The following CNBD1 variants were observed in gnomAD, a reference collection of about 807,000 sequenced individuals.
CNBD1 encodes the protein cyclic nucleotide binding domain containing 1.
Under a neutral mutation model 54.4 loss-of-function variants are expected in CNBD1, and 71 were observed. The observed-to-expected ratio is 1.30, with a 90% confidence interval of 1.08 to 1.59. The LOEUF (loss-of-function observed/expected upper bound fraction) is 1.59. Among genes scored for constraint, CNBD1 ranks in the 40% most tolerant of loss-of-function variants. CNBD1 has a pLI of 0.00. For synonymous variants in CNBD1, 182 were observed against 170.7 expected, an observed-to-expected ratio of 1.07 and a Z score of -0.51; for missense variants, 659 against 518.0, an observed-to-expected ratio of 1.27 and a Z score of -2.64.
At chr8:87,198,765 AC>A (rs1418666335) in intron 4 of CNBD1, among the ~76,000 whole-genome samples, 2 of 152,212 alleles carry the variant, frequency 1.3e-5, no homozygotes, top group Non-Finnish European at 2.9e-5. Context: ...GGGAATATGG[AC>A]TTTACAGAAT....
intron 8 of CNBD1, among the ~76,000 whole-genome samples, chr8:87,328,925 T>C (rs1809752406): frequency 6.6e-6 from 1 of 152,162 alleles, no homozygotes; most frequent in Non-Finnish European, 1.5e-5. Context: ...GTCAATTATT[T>C]CTTGCATGGA....
downstream of CNBD1, among the ~76,000 whole-genome samples, chr8:87,387,586 G>A (rs1314181981): frequency 6.6e-6 from 1 of 152,040 alleles, no homozygotes; most frequent in Non-Finnish European, 1.5e-5. Flanking sequence ...CCCAATACAG[G>A]AGCACCCAGG....
chr8:87,228,372 T>G (rs1814563550), intron 5 of CNBD1, among the ~76,000 whole-genome samples: 2 of 149,370 alleles, frequency 1.3e-5, no homozygotes, highest in Non-Finnish European at 3.0e-5. Context: ...CTTTGTGGTT[T>G]TATCTACTTT....
chr8:87,302,811 C>A (rs905305092), intron 8 of CNBD1, among the ~76,000 whole-genome samples: 1 of 151,894 alleles, frequency 6.6e-6, no homozygotes, highest in Non-Finnish European at 1.5e-5. Context: ...AATCAATGTG[C>A]AAAAATCACA....
intron 4 of CNBD1, among the ~76,000 whole-genome samples, chr8:86,965,601 C>T (rs1586167813): frequency 1.3e-5 from 2 of 152,226 alleles, no homozygotes; most frequent in Admixed American, 1.3e-4. Flanking sequence ...GGACAGAAAG[C>T]AAATTCACTT....
chr8:87,427,001 T>G (rs16868490), intron 2 of CNBD1, among the ~76,000 whole-genome samples: 2,760 of 152,296 alleles, frequency 0.018, 82 homozygotes, highest in African/African-American at 0.06. Flanking sequence ...ATGTAAACTT[T>G]GGCTTGGGGC....
intron 1 of CNBD1, among the ~76,000 whole-genome samples, chr8:86,885,096 A>G (rs1180548241): frequency 1.3e-5 from 2 of 152,186 alleles, no homozygotes; most frequent in Non-Finnish European, 2.9e-5. Flanking sequence ...AAGGGTATTT[A>G]TATACCTCTT....
At chr8:87,382,542 T>A in intron 10 of CNBD1, 78 bp from the exon 11 acceptor site, 2 of 1,153,744 alleles carry the variant, frequency 1.7e-6, no homozygotes, top group Non-Finnish European at 2.5e-6. Flanking sequence ...AATTTTAGGG[T>A]TCTATTCTGT....
At chr8:87,058,327 C>T (rs187325312) in intron 4 of CNBD1, among the ~76,000 whole-genome samples, 79 of 152,282 alleles carry the variant, frequency 5.2e-4, no homozygotes, top group African/African-American at 1.8e-3. Flanking sequence ...GCATGTGGTG[C>T]AAGCTGTCAG....
At chr8:87,314,418 A>G (rs1033977685) in intron 8 of CNBD1, among the ~76,000 whole-genome samples, 1 of 151,882 alleles carries the variant, frequency 6.6e-6, no homozygotes, top group Admixed American at 6.6e-5. Flanking sequence ...AGTTTCATCT[A>G]TTTTTTGACA....
At chr8:87,390,399 C>G (rs1811283404) in intron 2 of CNBD1, among the ~76,000 whole-genome samples, 1 of 151,334 alleles carries the variant, frequency 6.6e-6, no homozygotes, top group South Asian at 2.1e-4. Context: ...AACAAATTTA[C>G]AAGAAAAAAC....
intron 4 of CNBD1, among the ~76,000 whole-genome samples, chr8:87,125,483 A>G (rs569030645): frequency 4.6e-5 from 7 of 151,852 alleles, no homozygotes; most frequent in Admixed American, 6.6e-5. Flanking sequence ...CCATGCATTT[A>G]TAGTCAAAAT....
chr8:86,888,444 C>T (rs1808712665), intron 2 of CNBD1, among the ~76,000 whole-genome samples: 1 of 152,056 alleles, frequency 6.6e-6, no homozygotes, highest in Non-Finnish European at 1.5e-5. Context: ...TCCACACACT[C>T]CCGAGACCTA....
intron 4 of CNBD1, among the ~76,000 whole-genome samples, chr8:87,036,780 G>A (rs1458572709): frequency 1.3e-5 from 2 of 151,872 alleles, no homozygotes; most frequent in East Asian, 1.9e-4. Context: ...TAATAATAAA[G>A]TCCAATATAT....
chr8:87,420,289 C>T (rs1294541797), intron 2 of CNBD1, among the ~76,000 whole-genome samples: 5 of 151,858 alleles, frequency 3.3e-5, no homozygotes, highest in African/African-American at 4.8e-5. Flanking sequence ...TTTAGGAAAA[C>T]CTGATAACAG....
At chr8:87,133,158 A>G (rs1812155988) in intron 4 of CNBD1, among the ~76,000 whole-genome samples, 1 of 151,950 alleles carries the variant, frequency 6.6e-6, no homozygotes, top group Non-Finnish European at 1.5e-5. Context: ...AATTATAAGC[A>G]TGTTTTTAAA....
intron 4 of CNBD1, among the ~76,000 whole-genome samples, chr8:86,942,635 G>A (rs1262393538): frequency 1.3e-5 from 2 of 152,170 alleles, no homozygotes; most frequent in Non-Finnish European, 2.9e-5. Context: ...GGGAGAGTCT[G>A]TTTCTCTCTC....
chr8:87,369,958 A>G (rs1193709383), intron 10 of CNBD1, among the ~76,000 whole-genome samples: 3 of 151,608 alleles, frequency 2.0e-5, no homozygotes, highest in Admixed American at 1.3e-4. Flanking sequence ...ATTCCCATCT[A>G]TGAGTGAGAA....
At chr8:87,373,106 A>G (rs1223522628) in intron 10 of CNBD1, among the ~76,000 whole-genome samples, 1 of 151,826 alleles carries the variant, frequency 6.6e-6, no homozygotes, top group Non-Finnish European at 1.5e-5. Context: ...AGTAATAAAT[A>G]AAGGCATAGT....
Sources: gnomAD v4.1 joint callset for allele counts (sites outside exome capture counted in the v4.1 genomes callset) on GRCh38, gnomAD v4.1.1 for gene constraint, MANE v1.5 for transcripts, NCBI Gene and HGNC (gene_info 2026-07-23, HGNC 2026-07-21) for gene names.